Variants in TMA16 observed in about 807,000 individuals in gnomAD.
TMA16 encodes translation machinery-associated protein 16.
A neutral mutation model predicts 27.1 loss-of-function variants in TMA16; 26 were observed. That is an observed-to-expected ratio of 0.96 (90% CI 0.70 to 1.33). The LOEUF is 1.33. Among genes scored for constraint, TMA16 ranks in the 40% most tolerant of loss-of-function variants. The pLI is 0.00. For synonymous variants in TMA16, 71 were observed against 81.9 expected, an observed-to-expected ratio of 0.87 and a Z score of 0.72; for missense variants, 233 against 241.4, an observed-to-expected ratio of 0.97 and a Z score of 0.23.
At position 163,499,542 on chromosome 4, in the gene TMA16, G is replaced by A. The variant is rs544364684; in HGVS notation, c.3+4738G>A. On this transcript the variant is annotated intron_variant, in intron 1 of 6. Coordinates refer to ENST00000358572, the MANE Select transcript of TMA16 (RefSeq NM_018352.3). ...CTTTTTATAGTTGTCCCTTGGTATC[G>A]AGGGATATTAGTTGAGGACACACTC... 5.9e-5 allele frequency among the ~76,000 whole-genome samples: 9 copies of A among 152,038 alleles called. No individual in the cohort carries two copies. In the South Asian group the frequency reaches 1.7e-3, roughly 28 times the overall value.
In TMA16 at chr4:163,494,711, C is replaced by A. The variant is rs1737520871; in HGVS notation, c.-91C>A. ...TCTCAGGCGCCACGTGGGATTCGGC[C>A]CGGGTGCTCTTGTGAGCTGCTGCTC... On this transcript the variant is annotated 5_prime_UTR_variant, in exon 1 of 7. Coordinates refer to ENST00000358572, the MANE Select transcript of TMA16 (RefSeq NM_018352.3). 3.8e-6 allele frequency: 6 copies of A among 1,584,550 alleles called. No individual in the cohort carries two copies. In the Admixed American group the frequency reaches 1.0e-4, roughly 26 times the overall value.
intron 3 of TMA16, 30 bp from the exon 4 acceptor site, chr4:163,514,044 G>A: frequency 1.3e-6 from 2 of 1,522,998 alleles, no homozygotes; most frequent in Non-Finnish European, 9.0e-7. Flanking sequence ...GACTTGTGGG[G>A]TAAACTGTCT....
intron 1 of TMA16, among the ~76,000 whole-genome samples, chr4:163,497,444 C>T (rs55676908): frequency 0.032 from 4,905 of 152,250 alleles, 203 homozygotes; most frequent in African/African-American, 0.099. Flanking sequence ...CTTAAAGCAA[C>T]ACATTCATTT....
chr4:163,510,505 C>G (rs145836765), intron 2 of TMA16, among the ~76,000 whole-genome samples: 8 of 152,116 alleles, frequency 5.3e-5, no homozygotes, highest in Admixed American at 6.6e-5. Context: ...TTTGTGCCAG[C>G]GTCTTTCACG....
intron 1 of TMA16, among the ~76,000 whole-genome samples, chr4:163,506,088 G>A (rs1737714999): frequency 6.6e-6 from 1 of 152,128 alleles, no homozygotes; most frequent in South Asian, 2.1e-4. Flanking sequence ...GTGAGCAAAA[G>A]GATCTGCAAC....
chr4:163,500,701 G>C (rs777438974), intron 1 of TMA16, among the ~76,000 whole-genome samples: 1 of 152,120 alleles, frequency 6.6e-6, no homozygotes, highest in African/African-American at 2.4e-5. Context: ...TAATCTATTC[G>C]CCTGCTCCTT....
At position 163,494,723 on chromosome 4, in the gene TMA16, G is replaced by C; in HGVS notation, c.-79G>C. 6.2e-7 allele frequency: 1 copy of C among 1,606,768 alleles called. No homozygotes were observed. Among genetic ancestry groups the C allele is most frequent in the Non-Finnish European group, 8.5e-7 (1 of 1,174,954 alleles). On this transcript the variant is annotated 5_prime_UTR_variant, in exon 1 of 7. Transcript: ENST00000358572. ...CGTGGGATTCGGCCCGGGTGCTCTTGTGAGCTGCTGCTCCTGCGGTTGGTG... is the reference window on the plus strand; with the variant it reads ...CGTGGGATTCGGCCCGGGTGCTCTTCTGAGCTGCTGCTCCTGCGGTTGGTG...
chr4:163,515,773 G>T, intron 5 of TMA16: 1 of 198,390 alleles, frequency 5.0e-6, no homozygotes, highest in Non-Finnish European at 1.0e-5. Context: ...TATCACATAT[G>T]GATTTCTCAA....
At chr4:163,510,562 T>A (rs563948932) in intron 2 of TMA16, among the ~76,000 whole-genome samples, 1 of 152,342 alleles carries the variant, frequency 6.6e-6, no homozygotes, top group African/African-American at 2.4e-5. Flanking sequence ...ATGTATTAGT[T>A]GTTCTTTCCT....
At chr4:163,503,972 T>C (rs1737684229) in intron 1 of TMA16, among the ~76,000 whole-genome samples, 1 of 152,230 alleles carries the variant, frequency 6.6e-6, no homozygotes, top group South Asian at 2.1e-4. Context: ...TTAATTTCTT[T>C]GTACCTTCTT....
chr4:163,497,133 G>A (rs528657658), intron 1 of TMA16, among the ~76,000 whole-genome samples: 1 of 152,270 alleles, frequency 6.6e-6, no homozygotes, highest in Non-Finnish European at 1.5e-5. Context: ...TTACTGTGGG[G>A]CATTAGCTGT....
intron 1 of TMA16, among the ~76,000 whole-genome samples, chr4:163,497,955 A>T (rs1048144550): frequency 6.6e-6 from 1 of 152,198 alleles, no homozygotes; most frequent in African/African-American, 2.4e-5. Flanking sequence ...CAGATACTTT[A>T]TATGTATGTA....
At chr4:163,498,339 G>C (rs539269571) in intron 1 of TMA16, among the ~76,000 whole-genome samples, 154 of 140,278 alleles carry the variant, frequency 1.1e-3, no homozygotes, top group Middle Eastern at 3.9e-3. Context: ...CCATGCTGTA[G>C]TGCAGTGGCG....
At chr4:163,508,296 A>G (rs999452553) in intron 2 of TMA16, among the ~76,000 whole-genome samples, 19 of 152,320 alleles carry the variant, frequency 1.2e-4, no homozygotes, top group Non-Finnish European at 2.4e-4. Flanking sequence ...AGAATTTTCT[A>G]TTCTGAAGGT....
intron 6 of TMA16, among the ~76,000 whole-genome samples, chr4:163,518,744 T>G (rs780252930): frequency 4.5e-4 from 68 of 152,282 alleles, no homozygotes; most frequent in South Asian, 1.5e-3. Context: ...TAGCATGTAT[T>G]TATAATTTAA....
chr4:163,519,133 T>C (rs1000143133), intron 6 of TMA16, among the ~76,000 whole-genome samples: 2 of 152,134 alleles, frequency 1.3e-5, no homozygotes, highest in Non-Finnish European at 2.9e-5. Flanking sequence ...CTGGGTAGCA[T>C]GAGAGAAGGA....
intron 1 of TMA16, among the ~76,000 whole-genome samples, chr4:163,498,065 A>G (rs1737586697): frequency 6.6e-6 from 1 of 152,174 alleles, no homozygotes; most frequent in South Asian, 2.1e-4. Context: ...TTATAGATCT[A>G]TGTAAGTACA....
chr4:163,519,629 G>A lies in TMA16; in HGVS notation c.*115G>A. The A allele has an allele frequency of 9.8e-7, 1 of 1,023,144 alleles. No individual in the cohort carries two copies. The highest frequency in any genetic ancestry group is 1.4e-6 in the Non-Finnish European group (1 of 726,354). The allele number at this position is 1,023,144 out of a possible 1,614,324, so 63.4% of individuals were successfully genotyped here. On this transcript the variant is annotated 3_prime_UTR_variant, in exon 7 of 7. Transcript: ENST00000358572. ...TGATACTGACATTCTCTTATATGAT[G>A]AGAGTTTCATTTGCGTTTCAAAAAT...
chr4:163,515,337 G>T lies in TMA16; in HGVS notation c.264G>T (p.Glu88Asp). 1 of 1,612,710 alleles carries T rather than the reference G, an allele frequency of 6.2e-7. No homozygotes were observed. Among genetic ancestry groups the T allele is most frequent in the South Asian group, 1.1e-5 (1 of 90,740 alleles). ...GGTACTTAAATCGATTCAGCAGTGA[G>T]CTGGAGCAGATTGAGTTACATAACA... ...IERYLNRFSS[E>D]LEQIELHNSI... The change falls in exon 5 of 7, where the codon GAG becomes GAT. Residue 88 changes from glutamate (E) to aspartate (D), a missense_variant. Physicochemically the swap from Glu to Asp is conservative, Grantham distance 45. Coordinates refer to ENST00000358572, the MANE Select transcript of TMA16 (RefSeq NM_018352.3).
Sources: gnomAD v4.1 joint callset for allele counts (sites outside exome capture counted in the v4.1 genomes callset) on GRCh38, gnomAD v4.1.1 for gene constraint, MANE v1.5 for transcripts, NCBI Gene and HGNC (gene_info 2026-07-23, HGNC 2026-07-21) for gene names.